Variants in ARHGEF10L observed in about 807,000 individuals in gnomAD.
ARHGEF10L encodes rho guanine nucleotide exchange factor 10-like protein.
A neutral mutation model predicts 141.2 loss-of-function variants in ARHGEF10L; 69 were observed. The ratio of observed to expected loss-of-function variants is 0.49; its 90% confidence interval spans 0.40 to 0.60. The LOEUF (loss-of-function observed/expected upper bound fraction) is 0.60. Among genes scored for constraint, ARHGEF10L ranks in the 20% least tolerant of loss-of-function variants. ARHGEF10L has a pLI of 0.00. For missense variants in ARHGEF10L, 1,482 were observed against 1,734.3 expected, an observed-to-expected ratio of 0.85 and a Z score of 2.58; for synonymous variants, 711 against 718.5, an observed-to-expected ratio of 0.99 and a Z score of 0.17.
chr1:17,592,068 G>A (rs2079590599), intron 4 of ARHGEF10L, among the ~76,000 whole-genome samples: 1 of 152,172 alleles, frequency 6.6e-6, no homozygotes, highest in Non-Finnish European at 1.5e-5. Flanking sequence ...TGAAGCACGT[G>A]CACTCATGTC....
intron 26 of ARHGEF10L, among the ~76,000 whole-genome samples, chr1:17,667,718 G>A (rs1046663675): frequency 6.6e-6 from 1 of 152,240 alleles, no homozygotes; most frequent in Non-Finnish European, 1.5e-5. Flanking sequence ...GCCGGCTGCT[G>A]GCAGGGGAGG....
Position 17,642,165 on chromosome 1 carries a change from A to G in ARHGEF10L, c.2272+1863A>G, listed in dbSNP as rs145078242. On this transcript the variant is annotated intron_variant, in intron 21 of 28. Coordinates refer to ENST00000361221, the MANE Select transcript of ARHGEF10L (RefSeq NM_018125.4). ...TGAGGGGCAGGCAGGTGGACATTAAATGGGGAGCAAATCTGCAAGCAGGTG... is the reference window on the plus strand; with the variant it reads ...TGAGGGGCAGGCAGGTGGACATTAAGTGGGGAGCAAATCTGCAAGCAGGTG... Among the ~76,000 whole-genome samples the G allele has an allele frequency of 2.6e-3, 388 of 152,142 alleles. 4 individuals carry two copies. The highest frequency in any genetic ancestry group is 9.1e-3 in the African/African-American group (376 of 41,512).
chr1:17,566,506 A>G (rs556254589), intron 1 of ARHGEF10L, among the ~76,000 whole-genome samples: 1 of 152,384 alleles, frequency 6.6e-6, no homozygotes, highest in South Asian at 2.1e-4. Flanking sequence ...GGCATAAAAC[A>G]CAAACATCTT....
In ARHGEF10L at chr1:17,644,270, C is replaced by T. The variant is rs950329287; in HGVS notation, c.2272+3968C>T. 2.0e-5 allele frequency among the ~76,000 whole-genome samples: 3 copies of T among 152,224 alleles called. No homozygotes were observed. The highest frequency in any genetic ancestry group is 4.8e-5 in the African/African-American group (2 of 41,456). ...GTCACACTGACGCCAATATTCCTTC[C>T]GGGATGACTCCAGCTGTTGGGTCCT... On this transcript the variant is annotated intron_variant, in intron 21 of 28. Transcript: ENST00000361221. The surrounding 1 kb of genome is among the most constrained non-coding windows in gnomAD (Gnocchi z 4.5).
At chr1:17,535,389 C>G (rs570571343), upstream of ARHGEF10L, among the ~76,000 whole-genome samples, 1 of 152,226 alleles carries the variant, frequency 6.6e-6, no homozygotes, top group African/African-American at 2.4e-5. Context: ...TGGTTCCTAA[C>G]AGGCCACAGC....
At chr1:17,629,712 C>T (rs1399643929) in intron 15 of ARHGEF10L, among the ~76,000 whole-genome samples, 1 of 152,166 alleles carries the variant, frequency 6.6e-6, no homozygotes, top group Non-Finnish European at 1.5e-5. Flanking sequence ...CAGCCATCCC[C>T]CACACAAGCC....
chr1:17,577,001 C>G (rs1285013188), intron 1 of ARHGEF10L, among the ~76,000 whole-genome samples: 1 of 152,182 alleles, frequency 6.6e-6, no homozygotes, highest in Non-Finnish European at 1.5e-5. Context: ...ACATGCCATG[C>G]TTTTGTATTA....
At position 17,544,385 on chromosome 1, in the gene ARHGEF10L, C is replaced by T. The variant is rs542056505; in HGVS notation, c.-44+4435C>T. 2.8e-4 allele frequency among the ~76,000 whole-genome samples: 42 copies of T among 151,948 alleles called. No individual in the cohort carries two copies. The South Asian group carries it at 2.9e-3, about 11-fold the overall frequency. ...GGCTCACTACAACCTCTGCCTCCCA[C>T]GCACGTTCAAGCGATTCTCATGCCT... On this transcript the variant is annotated intron_variant, in intron 1 of 28. Coordinates refer to ENST00000361221, the MANE Select transcript of ARHGEF10L (RefSeq NM_018125.4).
intron 8 of ARHGEF10L, among the ~76,000 whole-genome samples, chr1:17,613,506 T>C (rs1255263234): frequency 6.6e-6 from 1 of 152,266 alleles, no homozygotes; most frequent in East Asian, 1.9e-4. Flanking sequence ...TGCAGGTTCC[T>C]GAGTTCCAGC....
chr1:17,566,623 G>C (rs1187509929), intron 1 of ARHGEF10L, among the ~76,000 whole-genome samples: 2 of 152,176 alleles, frequency 1.3e-5, no homozygotes, highest in African/African-American at 4.8e-5. Flanking sequence ...CATGTGCCCT[G>C]TTCTGTGTGG....
At chr1:17,613,224 G>C in intron 8 of ARHGEF10L, 50 bp downstream of exon 8, 1 of 1,482,490 alleles carries the variant, frequency 6.7e-7, no homozygotes, top group Non-Finnish European at 9.4e-7. Context: ...GTTTCCAGCT[G>C]CAGCTACCTC....
intron 27 of ARHGEF10L, among the ~76,000 whole-genome samples, chr1:17,693,650 G>A (rs1236841424): frequency 2.6e-5 from 4 of 152,166 alleles, no homozygotes; most frequent in Admixed American, 1.3e-4. Context: ...CTTAACATCC[G>A]TGCCTGGAAA....
intron 9 of ARHGEF10L, among the ~76,000 whole-genome samples, chr1:17,617,802 A>G: frequency 6.6e-6 from 1 of 151,538 alleles, no homozygotes; most frequent in East Asian, 1.9e-4. Flanking sequence ...GTATGAGGAG[A>G]GAGAGAGCCC....
At chr1:17,572,857 C>T (rs2078060900) in intron 1 of ARHGEF10L, among the ~76,000 whole-genome samples, 1 of 152,050 alleles carries the variant, frequency 6.6e-6, no homozygotes, top group South Asian at 2.1e-4. Context: ...GAACTGGGGT[C>T]ACAGATTCCC....
At chr1:17,650,497 C>G (rs190175727) in intron 22 of ARHGEF10L, among the ~76,000 whole-genome samples, 23 of 152,036 alleles carry the variant, frequency 1.5e-4, no homozygotes, top group African/African-American at 5.5e-4. Flanking sequence ...TTTTGGGAGG[C>G]CAAGGCAGGT....
chr1:17,588,373 G>A, intron 3 of ARHGEF10L, 73 bp from the exon 4 acceptor site: 1 of 1,567,130 alleles, frequency 6.4e-7, no homozygotes, highest in Non-Finnish European at 8.8e-7. Context: ...GGCTGGGAAA[G>A]GGGCGGGGAA....
At chr1:17,553,165 C>G (rs76256184) in intron 1 of ARHGEF10L, among the ~76,000 whole-genome samples, 4,891 of 152,298 alleles carry the variant, frequency 0.032, 268 homozygotes, top group African/African-American at 0.11. Context: ...CCTCCAGGGC[C>G]TCAGAGGGGG....
chr1:17,676,255 T>C (rs2063708189), intron 26 of ARHGEF10L, among the ~76,000 whole-genome samples: 1 of 143,462 alleles, frequency 7.0e-6, no homozygotes, highest in African/African-American at 2.7e-5. Context: ...CAGGCGTGGG[T>C]GCAGGTGTGG....
intron 7 of ARHGEF10L, among the ~76,000 whole-genome samples, chr1:17,608,340 T>G (rs1214640216): frequency 6.6e-6 from 1 of 152,176 alleles, no homozygotes; most frequent in Non-Finnish European, 1.5e-5. Context: ...AGCCACTTGC[T>G]TAGAGGTGGA....
Sources: allele counts gnomAD v4.1 joint callset (sites outside exome capture counted in the v4.1 genomes callset), GRCh38; gene constraint gnomAD v4.1.1; non-coding constraint Gnocchi (gnomAD v3.1); transcripts MANE v1.5; gene names NCBI Gene and HGNC (gene_info 2026-07-23, HGNC 2026-07-21).